The following STT3B variants were observed in gnomAD, a reference collection of about 807,000 sequenced individuals.
STT3B encodes the protein STT3 oligosaccharyltransferase complex catalytic subunit B.
Under a neutral mutation model 96.8 loss-of-function variants are expected in STT3B, and 29 were observed. That is an observed-to-expected ratio of 0.30 (90% CI 0.22 to 0.41). The LOEUF (loss-of-function observed/expected upper bound fraction) is 0.41, where lower values mean the gene tolerates loss of function less well. STT3B is among the 10% of genes least tolerant of loss of function. The pLI, the probability that STT3B is intolerant of heterozygous loss-of-function variation, is 1.00. For missense variants in STT3B, 640 were observed against 1,022.3 expected, an observed-to-expected ratio of 0.63 and a Z score of 5.10; for synonymous variants, 367 against 360.0, an observed-to-expected ratio of 1.02 and a Z score of -0.22.
intron 14 of STT3B, among the ~76,000 whole-genome samples, chr3:31,631,439 C>G (rs572043860): frequency 2.8e-4 from 42 of 152,312 alleles, no homozygotes; most frequent in African/African-American, 1.0e-3. Context: ...AGTTTCTCTG[C>G]TCACTACTGA....
intron 4 of STT3B, among the ~76,000 whole-genome samples, chr3:31,599,083 A>G (rs1017337567): frequency 1.6e-4 from 24 of 152,210 alleles, no homozygotes; most frequent in African/African-American, 5.8e-4. Flanking sequence ...TGCTGGGATT[A>G]CAGGCGTGAG....
At chr3:31,601,768 A>G (rs924691774) in intron 5 of STT3B, among the ~76,000 whole-genome samples, 15 of 152,236 alleles carry the variant, frequency 9.9e-5, no homozygotes, top group African/African-American at 3.1e-4. Flanking sequence ...TTTATAGTAT[A>G]TTAATTGTAT....
chr3:31,607,470 G>C (rs972605756), intron 5 of STT3B, among the ~76,000 whole-genome samples: 1 of 152,120 alleles, frequency 6.6e-6, no homozygotes, highest in East Asian at 1.9e-4. Context: ...ACTCTCACAA[G>C]ATCTGATGGT....
chr3:31,578,742 A>T (rs1190374273), intron 2 of STT3B, among the ~76,000 whole-genome samples: 1 of 151,650 alleles, frequency 6.6e-6, no homozygotes, highest in Non-Finnish European at 1.5e-5. Context: ...TGTGCCAGTT[A>T]TTTTTCTGGA....
chr3:31,615,813 T>G (rs1187056286), intron 6 of STT3B, among the ~76,000 whole-genome samples: 1 of 151,928 alleles, frequency 6.6e-6, no homozygotes, highest in Non-Finnish European at 1.5e-5. Flanking sequence ...AAAACAACCC[T>G]TAAAATTGAA....
intron 9 of STT3B, among the ~76,000 whole-genome samples, chr3:31,621,091 A>G (rs1337947149): frequency 6.6e-6 from 1 of 152,240 alleles, no homozygotes. Flanking sequence ...CTAATAGTAA[A>G]TATTCCAAAG....
chr3:31,633,340 A>G (rs1699700331), intron 15 of STT3B, among the ~76,000 whole-genome samples, 193 bp downstream of exon 15: 1 of 152,208 alleles, frequency 6.6e-6, no homozygotes. Context: ...AGATATCCCA[A>G]GCTGAGATTT....
intron 1 of STT3B, among the ~76,000 whole-genome samples, chr3:31,553,319 A>G (rs537835188): frequency 6.7e-4 from 102 of 152,314 alleles, no homozygotes; most frequent in African/African-American, 2.3e-3. Context: ...ATGCTTGTTC[A>G]TATTTTATAA....
At chr3:31,556,804 A>C (rs1697723702) in intron 1 of STT3B, among the ~76,000 whole-genome samples, 1 of 152,134 alleles carries the variant, frequency 6.6e-6, no homozygotes, top group Non-Finnish European at 1.5e-5. Context: ...TTGTTGAATG[A>C]ATAGTTTACA....
At chr3:31,578,150 G>A (rs1283605592) in intron 2 of STT3B, among the ~76,000 whole-genome samples, 1 of 152,084 alleles carries the variant, frequency 6.6e-6, no homozygotes, top group African/African-American at 2.4e-5. Context: ...TCTGAGCATT[G>A]GAAGGCTTGA....
chr3:31,589,701 G>A (rs780487354), intron 3 of STT3B, among the ~76,000 whole-genome samples: 1 of 151,874 alleles, frequency 6.6e-6, no homozygotes, highest in Non-Finnish European at 1.5e-5. Flanking sequence ...CATATATTCT[G>A]TGACCTTGCT....
intron 5 of STT3B, among the ~76,000 whole-genome samples, chr3:31,608,213 G>A (rs12487797): frequency 0.24 from 36,091 of 151,954 alleles, 4,588 homozygotes; most frequent in African/African-American, 0.33. Context: ...ACACTCCTCC[G>A]CCCCTATTTT....
intron 14 of STT3B, among the ~76,000 whole-genome samples, chr3:31,632,618 T>G (rs1216250589): frequency 1.3e-5 from 2 of 151,384 alleles, no homozygotes; most frequent in African/African-American, 4.9e-5. Context: ...GTGTTCTGTC[T>G]GTATACCTAT....
intron 3 of STT3B, among the ~76,000 whole-genome samples, chr3:31,583,942 G>T (rs1373702058): frequency 6.6e-6 from 1 of 151,174 alleles, no homozygotes; most frequent in Non-Finnish European, 1.5e-5. Context: ...ATTAATTTTT[G>T]TTGTTGTTGT....
intron 1 of STT3B, among the ~76,000 whole-genome samples, chr3:31,565,344 GT>G (rs1375507538): frequency 6.6e-6 from 1 of 152,180 alleles, no homozygotes; most frequent in African/African-American, 2.4e-5. Flanking sequence ...CTCCCAAGTA[GT>G]TGTGTAACAT....
At chr3:31,619,954 A>G in intron 9 of STT3B, 124 bp downstream of exon 9, 3 of 1,511,168 alleles carry the variant, frequency 2.0e-6, no homozygotes, top group Non-Finnish European at 1.8e-6. Context: ...TTTCTCCTTT[A>G]TTTTGCATAG....
intron 1 of STT3B, among the ~76,000 whole-genome samples, chr3:31,561,724 G>A (rs116461306): frequency 0.025 from 3,766 of 152,094 alleles, 63 homozygotes; most frequent in Non-Finnish European, 0.037. Flanking sequence ...TATGTTTCCT[G>A]TGTTTTTACT....
chr3:31,578,223 T>C (rs1698301306), intron 2 of STT3B, among the ~76,000 whole-genome samples: 1 of 152,144 alleles, frequency 6.6e-6, no homozygotes, highest in Admixed American at 6.6e-5. Flanking sequence ...TAATTAGGTC[T>C]TCACTCTGAT....
chr3:31,549,897 C>G (rs1697508339), intron 1 of STT3B, among the ~76,000 whole-genome samples: 1 of 152,104 alleles, frequency 6.6e-6, no homozygotes, highest in South Asian at 2.1e-4. Flanking sequence ...ATTTCCATCT[C>G]TATTGGGCTT....
Sources: gnomAD v4.1 joint callset for allele counts (sites outside exome capture counted in the v4.1 genomes callset) on GRCh38, gnomAD v4.1.1 for gene constraint, MANE v1.5 for transcripts, NCBI Gene and HGNC (gene_info 2026-07-23, HGNC 2026-07-21) for gene names.